The following COX7B2 variants were observed in gnomAD, a reference collection of about 807,000 sequenced individuals.
The protein encoded by COX7B2 is cytochrome c oxidase subunit 7B2, mitochondrial.
For missense variants in COX7B2, 109 were observed against 95.9 expected, an observed-to-expected ratio of 1.14 and a Z score of -0.57; for synonymous variants, 37 against 32.1, an observed-to-expected ratio of 1.15 and a Z score of -0.51.
At chr4:46,753,975 C>T (rs1715583219) in intron 2 of COX7B2, among the ~76,000 whole-genome samples, 1 of 152,170 alleles carries the variant, frequency 6.6e-6, no homozygotes, top group Admixed American at 6.5e-5. Flanking sequence ...CTCATGATCA[C>T]TGGCCATCAG....
intron 1 of COX7B2, among the ~76,000 whole-genome samples, chr4:46,849,374 G>A (rs1038108156): frequency 6.6e-6 from 1 of 152,102 alleles, no homozygotes; most frequent in Non-Finnish European, 1.5e-5. Context: ...GCATGGAGGA[G>A]TTTTTAACTT....
chr4:46,780,570 G>C (rs556191012), intron 2 of COX7B2, among the ~76,000 whole-genome samples: 1 of 152,242 alleles, frequency 6.6e-6, no homozygotes, highest in South Asian at 2.1e-4. Flanking sequence ...CTAACTAGAG[G>C]ACAGATAGAA....
At chr4:46,775,778 G>A (rs995398056) in intron 2 of COX7B2, among the ~76,000 whole-genome samples, 6 of 152,108 alleles carry the variant, frequency 3.9e-5, no homozygotes, top group Non-Finnish European at 8.8e-5. Flanking sequence ...AACACAAAAA[G>A]AGGATTATAA....
intron 2 of COX7B2, among the ~76,000 whole-genome samples, chr4:46,821,827 A>G (rs777837863): frequency 4.6e-5 from 7 of 152,248 alleles, no homozygotes; most frequent in Non-Finnish European, 8.8e-5. Context: ...ATCATGGCAT[A>G]TGTCTCTCAC....
intron 2 of COX7B2, among the ~76,000 whole-genome samples, chr4:46,840,927 T>C (rs1325138990): frequency 6.6e-6 from 1 of 151,966 alleles, no homozygotes; most frequent in Admixed American, 6.6e-5. Context: ...ACTCATTAAA[T>C]GAAGAAGTAC....
At chr4:46,777,504 C>T (rs1367659559) in intron 2 of COX7B2, among the ~76,000 whole-genome samples, 3 of 151,764 alleles carry the variant, frequency 2.0e-5, no homozygotes, top group African/African-American at 7.3e-5. Flanking sequence ...AGAGGAAACA[C>T]CAATGTAGAA....
At chr4:46,816,487 C>G (rs1291230190) in intron 2 of COX7B2, among the ~76,000 whole-genome samples, 1 of 152,052 alleles carries the variant, frequency 6.6e-6, no homozygotes, top group Non-Finnish European at 1.5e-5. Context: ...TTAAAAAGGT[C>G]TATTCTGTAT....
chr4:46,837,274 T>TACACACAC (rs33927124), intron 2 of COX7B2, among the ~76,000 whole-genome samples: 58 of 133,354 alleles, frequency 4.3e-4, no homozygotes, highest in African/African-American at 7.7e-4. Flanking sequence ...CACAAAGACA[T>TACACACAC]ACACACACAC....
chr4:46,891,983 T>G (rs141865965), intron 1 of COX7B2, among the ~76,000 whole-genome samples: 20 of 152,272 alleles, frequency 1.3e-4, no homozygotes, highest in African/African-American at 4.3e-4. Context: ...TCTGGTAAAT[T>G]TACTTTTAGC....
chr4:46,803,327 T>C (rs114771129), intron 2 of COX7B2, among the ~76,000 whole-genome samples: 1,673 of 152,250 alleles, frequency 0.011, 20 homozygotes, highest in Middle Eastern at 0.041. Context: ...GAAAACAAAG[T>C]TATGTTGCCC....
chr4:46,833,814 T>C (rs1426717167), intron 2 of COX7B2, among the ~76,000 whole-genome samples: 21 of 151,954 alleles, frequency 1.4e-4, no homozygotes, highest in Admixed American at 1.4e-3. Flanking sequence ...AAAAAAGAAG[T>C]GTGCAAAAAA....
rs545413801 is a variant in COX7B2 at position 46,736,887 on chromosome 4, A to G, written c.-49-1646T>C. 3.0e-4 allele frequency among the ~76,000 whole-genome samples: 46 copies of G among 152,320 alleles called. No homozygotes were observed. The South Asian group carries it at 8.9e-3, about 29-fold the overall frequency. ...GACATCTTGATTGCTTCTAAGATTC[A>G]ATTAGTACGAATACAACTGCTGTTG... On this transcript the variant is annotated intron_variant, in intron 2 of 2. Transcript: ENST00000355591.
intron 2 of COX7B2, among the ~76,000 whole-genome samples, chr4:46,830,216 G>A (rs1714975469): frequency 6.6e-6 from 1 of 151,194 alleles, no homozygotes; most frequent in African/African-American, 2.4e-5. Flanking sequence ...CCCAGCTACT[G>A]GAGAGGCTGA....
At chr4:46,907,660 G>T (rs1323686325) in intron 1 of COX7B2, among the ~76,000 whole-genome samples, 1 of 151,302 alleles carries the variant, frequency 6.6e-6, no homozygotes, top group African/African-American at 2.4e-5. Flanking sequence ...GAATCTCAAA[G>T]ATCAAAAGTT....
intron 2 of COX7B2, among the ~76,000 whole-genome samples, chr4:46,779,794 C>A (rs1190974721): frequency 6.6e-6 from 1 of 151,410 alleles, no homozygotes; most frequent in Admixed American, 6.6e-5. Context: ...TACAAGGAAG[C>A]AGTAAGTAGA....
At chr4:46,889,158 AT>A (rs1468460961) in intron 1 of COX7B2, among the ~76,000 whole-genome samples, 4 of 152,212 alleles carry the variant, frequency 2.6e-5, no homozygotes, top group Non-Finnish European at 5.9e-5. Context: ...ATTTAAAAAA[AT>A]CTAAGGAGAA....
At chr4:46,775,093 T>C (rs1717081738) in intron 2 of COX7B2, among the ~76,000 whole-genome samples, 1 of 152,096 alleles carries the variant, frequency 6.6e-6, no homozygotes, top group African/African-American at 2.4e-5. Flanking sequence ...ATTCTAGACA[T>C]TGTAAGTGAT....
chr4:46,855,950 T>TA (rs1716987106), intron 1 of COX7B2, among the ~76,000 whole-genome samples: 1 of 152,062 alleles, frequency 6.6e-6, no homozygotes. Flanking sequence ...AATATTTATT[T>TA]AAAAAATCCC....
At chr4:46,890,945 C>T (rs545917787) in intron 1 of COX7B2, among the ~76,000 whole-genome samples, 16 of 152,124 alleles carry the variant, frequency 1.1e-4, no homozygotes, top group South Asian at 8.3e-4. Flanking sequence ...GGAGGCAAGA[C>T]GAAATGCAAG....
Sources: gnomAD v4.1 joint callset for allele counts (sites outside exome capture counted in the v4.1 genomes callset) on GRCh38, gnomAD v4.1.1 for gene constraint, MANE v1.5 for transcripts, NCBI Gene and HGNC (gene_info 2026-07-23, HGNC 2026-07-21) for gene names.